The following TG variants were observed in gnomAD, a reference collection of about 807,000 sequenced individuals.
TG encodes the protein thyroglobulin, also known as thyroid hormones.
In TG, 270 loss-of-function variants were observed where a neutral mutation model predicts 324.7. That is an observed-to-expected ratio of 0.83 (90% CI 0.75 to 0.92). The LOEUF (loss-of-function observed/expected upper bound fraction) is 0.92, where lower values mean the gene tolerates loss of function less well. Ranked by LOEUF, TG falls within the 40% of genes least tolerant of loss-of-function variation. The pLI, the probability that TG is intolerant of heterozygous loss-of-function variation, is 0.00. For missense variants in TG, 3,591 were observed against 3,456.4 expected (o/e 1.04, Z -0.98); for synonymous variants, 1,401 against 1,327.0 (o/e 1.06, Z -1.21).
chr8:132,980,118 T>C (rs1830641798), intron 34 of TG, among the ~76,000 whole-genome samples: 1 of 151,844 alleles, frequency 6.6e-6, no homozygotes, highest in African/African-American at 2.4e-5. Context: ...AGCTTTTGAG[T>C]CCCTTGGGAT....
intron 23 of TG, 103 bp from the exon 24 acceptor site, chr8:132,933,458 G>GTGTT: frequency 1.3e-6 from 1 of 764,862 alleles, no homozygotes. Context: ...GTGTGTGTGT[G>GTGTT]TGTGTGTTTG....
At chr8:133,038,777 A>G (rs922211330) in intron 41 of TG, 10 of 1,444,868 alleles carry the variant, frequency 6.9e-6, no homozygotes, top group Non-Finnish European at 9.7e-6. Context: ...AAGGGAAAAA[A>G]AGAGAGTCAT....
intron 5 of TG, among the ~76,000 whole-genome samples, chr8:132,877,176 G>T (rs1465730608): frequency 2.6e-5 from 4 of 151,994 alleles, no homozygotes; most frequent in Admixed American, 6.6e-5. Flanking sequence ...GTCTTACTTT[G>T]TCACCCAGGC....
chr8:132,887,709 T>A (rs1005716038), intron 9 of TG, among the ~76,000 whole-genome samples, 161 bp downstream of exon 9: 1 of 152,160 alleles, frequency 6.6e-6, no homozygotes, highest in African/African-American at 2.4e-5. Context: ...AATGCCTAGA[T>A]AATGTTAATC....
chr8:132,977,294 T>C (rs1442127708), intron 34 of TG, among the ~76,000 whole-genome samples: 1 of 152,144 alleles, frequency 6.6e-6, no homozygotes, highest in Non-Finnish European at 1.5e-5. Context: ...TAGGATCCTC[T>C]CCTTCACCTC....
At chr8:132,981,947 G>T (rs892255578) in intron 34 of TG, among the ~76,000 whole-genome samples, 1 of 152,136 alleles carries the variant, frequency 6.6e-6, no homozygotes, top group East Asian at 1.9e-4. Context: ...GATGTGAGGC[G>T]ACCCACGCAA....
intron 5 of TG, among the ~76,000 whole-genome samples, chr8:132,876,586 T>A (rs560584913): frequency 6.6e-6 from 1 of 152,200 alleles, no homozygotes; most frequent in South Asian, 2.1e-4. Context: ...TTGGCAATGA[T>A]GTTTGCCCAT....
chr8:133,078,740 T>C (rs57571071), intron 41 of TG, among the ~76,000 whole-genome samples: 3,715 of 152,266 alleles, frequency 0.024, 155 homozygotes, highest in African/African-American at 0.085. Flanking sequence ...ACAATGTTCA[T>C]TACGTATTTG....
chr8:132,983,441 A>C, intron 35 of TG, 29 bp downstream of exon 35: 1 of 1,599,406 alleles, frequency 6.3e-7, no homozygotes, highest in Non-Finnish European at 8.6e-7. Flanking sequence ...TATCTCTTGG[A>C]TGAGAGTACC....
At position 133,029,821 on chromosome 8, in the gene TG, G is replaced by A; in HGVS notation, c.7037G>A (p.Gly2346Glu). 1 of 1,614,086 alleles carries A rather than the reference G, an allele frequency of 6.2e-7. No homozygotes were observed. ...RVGVFGFLSS[G>E]SGEVSGNWGL... ...TAAAAGGCTTTCCTCTTTTCTGAAG[G>A]GTCCGGAGAGGTGAGTGGCAACTGG... The change falls in exon 41 of 48, where the codon GGG becomes GAG. Residue 2346 changes from glycine to glutamate, a missense_variant and splice_region_variant. Gly to Glu is a moderately conservative substitution (Grantham distance 98, BLOSUM62 -2). Transcript: ENST00000220616.
chr8:133,129,093 C>T (rs887065996), intron 45 of TG, among the ~76,000 whole-genome samples: 5 of 152,214 alleles, frequency 3.3e-5, no homozygotes, highest in African/African-American at 1.2e-4. Context: ...ACTTGGTCCT[C>T]GACTCCCAGA....
chr8:133,131,861 C>T lies in TG; in HGVS notation c.7912C>T (p.Pro2638Ser), dbSNP rs150676561. Residue 2638 changes from proline to serine, a missense_variant, in exon 46 of 48, where the codon CCA becomes TCA. By Grantham distance (74) the Pro-to-Ser change is moderately conservative (BLOSUM62 -1). Coordinates refer to ENST00000220616, the MANE Select transcript of TG (RefSeq NM_003235.5). Reference protein sequence around the residue: ...VQFALGLPFYPAYEGQFSLEE... With the variant: ...VQFALGLPFYSAYEGQFSLEE... ...GTTTGCCTTGGGGCTTCCCTTCTAC[C>T]CAGCCTACGAGGGGCAGTTTTCTCT... is the stretch of plus-strand genomic sequence containing the variant. 7 of 1,614,014 alleles carry T rather than the reference C, an allele frequency of 4.3e-6. No homozygotes were observed. The highest frequency in any genetic ancestry group is 5.9e-6 in the Non-Finnish European group (7 of 1,180,026).
At position 133,127,794 on chromosome 8, in the gene TG, C is replaced by T. The variant is rs10086291; in HGVS notation, c.7863-4018C>T. ...CTGTTTTCTGCCAGCTGCACCAGCC[C>T]CCACCTGCCCTGGCTCTCCTTGTGC... On this transcript the variant is annotated intron_variant, in intron 45 of 47. Transcript: ENST00000220616. 7.8e-3 allele frequency among the ~76,000 whole-genome samples: 1,191 copies of T among 152,226 alleles called. 16 individuals are homozygous for T. Among genetic ancestry groups the T allele is most frequent in the African/African-American group, 0.027 (1,138 of 41,536 alleles).
In TG at chr8:132,906,691, C is replaced by T. The variant is rs754194585; in HGVS notation, c.3638C>T (p.Pro1213Leu). The change falls in exon 17 of 48, where the codon CCG (proline) becomes CTG (leucine). Residue 1213 changes from proline (P) to leucine (L), a missense_variant. Transcript: ENST00000220616. ...GGCTCCACTTTCCTTCTCCCAGGCC[C>T]GCGGTGTCCGCTGCCATTCAACGCG... is the stretch of plus-strand genomic sequence containing the variant. ...VTGGQPACES[P>L]RCPLPFNASE... 8 of 1,614,038 alleles carry T rather than the reference C, an allele frequency of 5.0e-6. No homozygotes were observed. Among genetic ancestry groups the T allele is most frequent in the East Asian group, 4.5e-5 (2 of 44,866 alleles).
At chr8:132,928,136 A>C (rs1240339314) in intron 22 of TG, among the ~76,000 whole-genome samples, 2 of 152,164 alleles carry the variant, frequency 1.3e-5, no homozygotes, top group Non-Finnish European at 2.9e-5. Flanking sequence ...TTTTTTCTGC[A>C]CTTATTATGA....
intron 10 of TG, among the ~76,000 whole-genome samples, chr8:132,890,914 ATG>A (rs922872525): frequency 1.3e-5 from 2 of 152,082 alleles, no homozygotes; most frequent in African/African-American, 4.8e-5. Flanking sequence ...TTTATTTAAT[ATG>A]TGTTTATGAA....
chr8:132,919,105 C>G (rs576016619), intron 20 of TG, among the ~76,000 whole-genome samples: 6 of 152,302 alleles, frequency 3.9e-5, no homozygotes, highest in South Asian at 2.1e-4. Flanking sequence ...AACAACCCCC[C>G]TCTTTATTTT....
chr8:132,977,322 A>C (rs931050172), intron 34 of TG, among the ~76,000 whole-genome samples: 39 of 152,164 alleles, frequency 2.6e-4, no homozygotes, highest in Non-Finnish European at 2.9e-5. Context: ...GCACTGGCAC[A>C]TGAGACAAAC....
chr8:133,133,428 C>G (rs1564224990), intron 46 of TG, 42 bp from the exon 47 acceptor site: 12 of 1,592,930 alleles, frequency 7.5e-6, no homozygotes, highest in Non-Finnish European at 1.0e-5. Flanking sequence ...AAAGGAAAGA[C>G]AAATTTCCCT....
Sources: gnomAD v4.1 joint callset for allele counts (sites outside exome capture counted in the v4.1 genomes callset) on GRCh38, gnomAD v4.1.1 for gene constraint, MANE v1.5 for transcripts, NCBI Gene and HGNC (gene_info 2026-07-23, HGNC 2026-07-21) for gene names.